Variants in TAF1A observed in about 807,000 individuals in gnomAD.
TAF1A encodes the protein TATA-box binding protein associated factor, RNA polymerase I subunit A, also known as TATA box-binding protein-associated factor RNA polymerase I subunit A.
TAF1A carries 42 observed loss-of-function variants against 61.6 expected under a neutral mutation model. The ratio of observed to expected loss-of-function variants is 0.68; its 90% CI spans 0.53 to 0.88. The LOEUF (loss-of-function observed/expected upper bound fraction) is 0.88, where lower values mean the gene tolerates loss of function less well. Among genes scored for constraint, TAF1A ranks in the 40% least tolerant of loss-of-function variants. TAF1A has a pLI of 0.00. For missense variants in TAF1A, 424 were observed against 518.7 expected (o/e 0.82, Z 1.77); for synonymous variants, 179 against 177.7 (o/e 1.01, Z -0.06).
chr1:222,573,795 C>A (rs1182177601), intron 5 of TAF1A, among the ~76,000 whole-genome samples: 1 of 152,066 alleles, frequency 6.6e-6, no homozygotes, highest in Non-Finnish European at 1.5e-5. Context: ...AAAACTTGTA[C>A]ATAAATGTTC....
chr1:222,576,212 T>C (rs890605160), intron 5 of TAF1A, among the ~76,000 whole-genome samples: 3 of 152,260 alleles, frequency 2.0e-5, no homozygotes, highest in Non-Finnish European at 4.4e-5. Context: ...CAATGAGTCT[T>C]GAAGAATAGA....
chr1:222,557,873 T>C (rs1206384082), downstream of TAF1A: 1 of 128,252 alleles, frequency 7.8e-6, no homozygotes, highest in Non-Finnish European at 1.6e-5. Context: ...ACTGAAAGAG[T>C]CTTTTTGTTT....
chr1:222,578,273 C>T (rs1048899872), intron 4 of TAF1A, among the ~76,000 whole-genome samples: 3 of 152,134 alleles, frequency 2.0e-5, no homozygotes, highest in Non-Finnish European at 4.4e-5. Flanking sequence ...ATGAGAACTA[C>T]AATTAATCAT....
Position 222,579,831 on chromosome 1 carries a change from GGGA to G in TAF1A, c.330_332del (p.Pro111del). ...TATTGAAACTCTCCATGTTGCTTTT[GGGA>G]TGATAAAATAGAATTTCACTTCCGA... On this transcript the variant is annotated inframe_deletion, in exon 4 of 11. Transcript: ENST00000352967. 1 of 1,608,784 alleles carries G rather than the reference GGGA, an allele frequency of 6.2e-7. No homozygotes were observed. Among genetic ancestry groups the G allele is most frequent in the Non-Finnish European group, 8.5e-7 (1 of 1,178,710 alleles).
At chr1:222,561,573 A>C in intron 9 of TAF1A, 55 bp from the exon 10 acceptor site, 1 of 1,490,516 alleles carries the variant, frequency 6.7e-7, no homozygotes, top group Non-Finnish European at 9.0e-7. Flanking sequence ...AATCTATATT[A>C]TCAGAATTTA....
intron 3 of TAF1A, among the ~76,000 whole-genome samples, chr1:222,582,675 C>T (rs998891561): frequency 2.0e-5 from 3 of 152,002 alleles, no homozygotes; most frequent in Non-Finnish European, 2.9e-5. Flanking sequence ...TTCCAATAAC[C>T]GAAAAGCAAA....
In TAF1A at chr1:222,584,224, C is replaced by A. The variant is rs1435616384; in HGVS notation, c.195G>T (p.Leu65=). 8 of 1,612,614 alleles carry A rather than the reference C, an allele frequency of 5.0e-6. No individual in the cohort carries two copies. The highest frequency in any genetic ancestry group is 6.8e-6 in the Non-Finnish European group (8 of 1,179,586). ...CAGCTTGCTGCCATTGGTGCTTCAGCAGAGCTTCTTGGATAAAACTTAAAC... is the reference window on the plus strand; with the variant it reads ...CAGCTTGCTGCCATTGGTGCTTCAGAAGAGCTTCTTGGATAAAACTTAAAC... ...SACLSFIQEA[L]LKHQWQQAAE... Residue 65 remains leucine, a synonymous_variant, in exon 3 of 11, where the codon CTG becomes CTT. Coordinates refer to ENST00000352967, the MANE Select transcript of TAF1A (RefSeq NM_005681.4).
rs1354238053 is a variant in TAF1A, at chr1:222,569,278, G to A, written c.894+232C>T. On this transcript the variant is annotated intron_variant, in intron 7 of 10. Transcript: ENST00000352967. Reference sequence around the variant, plus strand: ...ATCAGTGCAGAGTATTCCAACCAGGGTTGCACAAGACTTCTGATCCTCTCT... The same window carrying A: ...ATCAGTGCAGAGTATTCCAACCAGGATTGCACAAGACTTCTGATCCTCTCT... The A allele has an allele frequency of 6.3e-6, 9 of 1,435,546 alleles. No individual in the cohort carries two copies. In the African/African-American group the frequency reaches 7.2e-5, roughly 11 times the overall value. The allele number at this position is 1,435,546 out of a possible 1,614,324, so 88.9% of individuals were successfully genotyped here.
chr1:222,563,435 G>A (rs563285859), intron 8 of TAF1A, 139 bp from the exon 9 acceptor site: 4 of 971,730 alleles, frequency 4.1e-6, no homozygotes, highest in South Asian at 3.6e-5. Flanking sequence ...AAGCCTTCTG[G>A]TTAACAGTTT....
downstream of TAF1A, among the ~76,000 whole-genome samples, chr1:222,557,031 G>A (rs1279928509): frequency 6.6e-6 from 1 of 152,138 alleles, no homozygotes; most frequent in Non-Finnish European, 1.5e-5. Context: ...TTTATTGATA[G>A]ACCTTTCTTA....
chr1:222,556,620 A>C (rs1659730053), downstream of TAF1A, among the ~76,000 whole-genome samples: 1 of 152,260 alleles, frequency 6.6e-6, no homozygotes, highest in Non-Finnish European at 1.5e-5. Flanking sequence ...GAAGCAGCTT[A>C]AACATCAGTG....
intron 10 of TAF1A, among the ~76,000 whole-genome samples, chr1:222,561,107 CTGTATCA>C (rs1354368232): frequency 1.3e-5 from 2 of 152,090 alleles, no homozygotes; most frequent in African/African-American, 2.4e-5. Flanking sequence ...TGTGAAAACT[CTGTATCA>C]TGTATCTTAA....
intron 3 of TAF1A, among the ~76,000 whole-genome samples, chr1:222,582,755 T>C (rs952264106): frequency 9.9e-5 from 15 of 152,222 alleles, no homozygotes; most frequent in Non-Finnish European, 2.1e-4. Context: ...ACAGATTATT[T>C]GGCAATAAAA....
Position 222,579,643 on chromosome 1 carries a change from C to T in TAF1A, c.405+116G>A, listed in dbSNP as rs914838692. ...TTTCTTTCAGTTTCTCTTATTTATC[C>T]AGAATGTCTTATCCTTGTCCCACAT... On this transcript the variant is annotated intron_variant, in intron 4 of 10. Transcript: ENST00000352967. 7 of 1,228,070 alleles carry T rather than the reference C, an allele frequency of 5.7e-6. No homozygotes were observed. The African/African-American group carries it at 9.4e-5, about 17-fold the overall frequency. The allele number at this position is 1,228,070 out of a possible 1,614,324, so 76.1% of individuals were successfully genotyped here.
Position 222,558,759 on chromosome 1 carries a change from G to A in TAF1A, c.1254C>T (p.Phe418=). ...GLLLGKGCRY[F]RYILKQDHQI... is the part of the protein sequence containing the mutation. Reference sequence around the variant, plus strand: ...GGTGATCTTGCTTTAAAATATACCGGAAATATCTACAACCTAAAAAGTTAA... The same window carrying A: ...GGTGATCTTGCTTTAAAATATACCGAAAATATCTACAACCTAAAAAGTTAA... The change falls in exon 11 of 11, where the codon TTC becomes TTT. Residue 418 remains phenylalanine (F), a synonymous_variant. Coordinates refer to ENST00000352967, the MANE Select transcript of TAF1A (RefSeq NM_005681.4). The A allele has an allele frequency of 1.3e-6, 2 of 1,518,988 alleles. No homozygotes were observed. Among genetic ancestry groups the A allele is most frequent in the Non-Finnish European group, 1.8e-6 (2 of 1,124,404 alleles). 94.1% of individuals were successfully genotyped at this position (1,518,988 alleles called of 1,614,324 possible). A position where few individuals can be genotyped will look rare whatever the true frequency, so the allele number is the denominator to read the frequency against.
chr1:222,554,335 T>C (rs1571785570), downstream of TAF1A, among the ~76,000 whole-genome samples: 1 of 152,190 alleles, frequency 6.6e-6, no homozygotes, highest in Non-Finnish European at 1.5e-5. Flanking sequence ...TTCATAACTA[T>C]GAAAACAACA....
intron 5 of TAF1A, among the ~76,000 whole-genome samples, chr1:222,574,519 C>T (rs377224309): frequency 8.6e-5 from 13 of 152,044 alleles, no homozygotes; most frequent in Non-Finnish European, 1.6e-4. Context: ...TTATGTGCAC[C>T]GGTATACAGA....
rs768447349 is a variant in TAF1A at position 222,577,397 on chromosome 1, C to A, written c.604+48G>T. ...TACTAGATTACTCCTTAAGATCCCT[C>A]TGCCCCTCAGTCTCATCATAAGAAA... On this transcript the variant is annotated intron_variant, in intron 5 of 10. Transcript: ENST00000352967. 32 of 1,496,956 alleles carry A rather than the reference C, an allele frequency of 2.1e-5. No individual in the cohort carries two copies. The Admixed American group carries it at 5.5e-4, about 26-fold the overall frequency. The allele number at this position is 1,496,956 out of a possible 1,614,324, so 92.7% of individuals were successfully genotyped here.
intron 2 of TAF1A, 61 bp downstream of exon 2, chr1:222,588,382 C>A: frequency 6.4e-7 from 1 of 1,554,344 alleles, no homozygotes; most frequent in Non-Finnish European, 8.7e-7. Flanking sequence ...CATTTTGTAT[C>A]CCTATTGAAT....
Sources: gnomAD v4.1 joint callset for allele counts (sites outside exome capture counted in the v4.1 genomes callset) on GRCh38, gnomAD v4.1.1 for gene constraint, MANE v1.5 for transcripts, NCBI Gene and HGNC (gene_info 2026-07-23, HGNC 2026-07-21) for gene names.